UNC79: variants seen among roughly 807,000 people sequenced by gnomAD.
UNC79 encodes unc-79 subunit of NALCN channel complex, also known as protein unc-79 homolog.
A neutral mutation model predicts 283.1 loss-of-function variants in UNC79; 37 were observed. The ratio of observed to expected loss-of-function variants is 0.13; its 90% CI spans 0.10 to 0.17. The LOEUF is 0.17. Ranked by LOEUF, UNC79 falls within the 10% of genes least tolerant of loss-of-function variation. The pLI is 1.00. For missense variants in UNC79, 2,272 were observed against 3,211.1 expected (o/e 0.71, Z 7.07); for synonymous variants, 1,107 against 1,200.2 (o/e 0.92, Z 1.61).
At chr14:93,593,570 A>G in intron 22 of UNC79, 110 bp from the exon 23 acceptor site, 1 of 1,307,806 alleles carries the variant, frequency 7.6e-7, no homozygotes, top group South Asian at 1.5e-5. Flanking sequence ...CACCAAAAGC[A>G]CCCCTACCCA....
chr14:93,419,753 A>G (rs1305848297), intron 1 of UNC79, among the ~76,000 whole-genome samples: 1 of 151,668 alleles, frequency 6.6e-6, no homozygotes, highest in African/African-American at 2.4e-5. Context: ...ACAAAAAATT[A>G]AAAGCAAGAA....
chr14:93,455,517 A>G (rs1201155443), intron 1 of UNC79, among the ~76,000 whole-genome samples: 2 of 151,762 alleles, frequency 1.3e-5, no homozygotes, highest in African/African-American at 4.8e-5. Flanking sequence ...GTAGGGGGCT[A>G]TTCTTGATTA....
intron 26 of UNC79, among the ~76,000 whole-genome samples, chr14:93,607,992 GT>G (rs767762471): frequency 3.5e-4 from 54 of 152,268 alleles, no homozygotes; most frequent in Non-Finnish European, 5.7e-4. Flanking sequence ...TTGAAGATAT[GT>G]TTTTTGGAAG....
chr14:93,523,992 C>G, exon 8 of UNC79: 1 of 1,614,084 alleles, frequency 6.2e-7, no homozygotes, highest in Non-Finnish European at 8.5e-7. Flanking sequence ...GAATCCCATC[C>G]ACTGCCAGCA....
At chr14:93,585,883 C>CT (rs1233052037) in intron 20 of UNC79, among the ~76,000 whole-genome samples, 44,323 of 138,158 alleles carry the variant, frequency 0.32, 7,655 homozygotes, top group Non-Finnish European at 0.38. Context: ...CTCTCTCTCT[C>CT]TTTTTTTTTT....
chr14:93,643,664 C>G, exon 34 of UNC79: 1 of 1,612,972 alleles, frequency 6.2e-7, no homozygotes, highest in Non-Finnish European at 8.5e-7. Flanking sequence ...CTGGCAGCCC[C>G]GCTGCTGCTG....
intron 1 of UNC79, among the ~76,000 whole-genome samples, chr14:93,337,650 G>A (rs1229855762): frequency 6.6e-6 from 1 of 152,166 alleles, no homozygotes; most frequent in African/African-American, 2.4e-5. Flanking sequence ...GGGATTGAAA[G>A]AGCTTTAACA....
intron 22 of UNC79, among the ~76,000 whole-genome samples, chr14:93,592,323 C>G (rs1323474447): frequency 6.6e-6 from 1 of 151,794 alleles, no homozygotes; most frequent in Admixed American, 6.6e-5. Context: ...TACAGGCGCC[C>G]ACCACCACGC....
At chr14:93,532,337 A>G (rs2060862138) in intron 10 of UNC79, among the ~76,000 whole-genome samples, 1 of 151,646 alleles carries the variant, frequency 6.6e-6, no homozygotes, top group African/African-American at 2.4e-5. Flanking sequence ...TGGGCATGGA[A>G]GCCCACACCA....
rs1269505909 is a variant in UNC79 at position 93,572,155 on chromosome 14, GC to G, written c.1946+73del. On this transcript the variant is annotated intron_variant, in intron 15 of 48. Coordinates refer to ENST00000555664, the Ensembl canonical transcript of UNC79. The stretch of plus-strand genomic sequence containing the variant: ...AACGTTTGGTGAGCATGTACTGTAT[GC>G]CGGTCACCCTACTAAGCGTTTTATA... 4.0e-6 allele frequency: 6 copies of G among 1,499,482 alleles called. No individual in the cohort carries two copies. The Admixed American group carries it at 9.6e-5, about 24-fold the overall frequency. The allele number at this position is 1,499,482 out of a possible 1,614,324, so 92.9% of individuals were successfully genotyped here. A position where few individuals can be genotyped will look rare whatever the true frequency, so the allele number is the denominator to read the frequency against.
intron 2 of UNC79, among the ~76,000 whole-genome samples, chr14:93,472,651 T>C (rs2057575790): frequency 6.6e-6 from 1 of 152,130 alleles, no homozygotes; most frequent in African/African-American, 2.4e-5. Flanking sequence ...CATTGTAACA[T>C]ATTTTGCACT....
intron 47 of UNC79, among the ~76,000 whole-genome samples, chr14:93,695,890 C>CA (rs535235954): frequency 0.02 from 801 of 39,374 alleles, 70 homozygotes; most frequent in African/African-American, 0.06. Flanking sequence ...GACTTTGTCT[C>CA]AAAAAAAAAA....
chr14:93,591,391 C>A (rs2064665089), intron 22 of UNC79, among the ~76,000 whole-genome samples: 1 of 152,202 alleles, frequency 6.6e-6, no homozygotes, highest in Admixed American at 6.5e-5. Flanking sequence ...CAAAACTTAA[C>A]CTCTAATAGC....
At chr14:93,582,095 G>A (rs2063862209) in intron 19 of UNC79, 108 bp from the exon 20 acceptor site, 1 of 1,558,778 alleles carries the variant, frequency 6.4e-7, no homozygotes, top group South Asian at 1.2e-5. Context: ...TCAGCAGCAT[G>A]GGACCCGAGA....
chr14:93,518,716 C>T (rs1377029715), intron 7 of UNC79, among the ~76,000 whole-genome samples: 1 of 151,734 alleles, frequency 6.6e-6, no homozygotes, highest in Non-Finnish European at 1.5e-5. Flanking sequence ...AGTTGCTTCC[C>T]AGAAATTCAT....
intron 1 of UNC79, among the ~76,000 whole-genome samples, chr14:93,440,850 T>C (rs779263379): frequency 3.9e-5 from 6 of 152,160 alleles, no homozygotes; most frequent in Non-Finnish European, 8.8e-5. Context: ...TCATAAGATT[T>C]AGTCAGTTTT....
At chr14:93,465,290 G>A (rs1320342299) in intron 1 of UNC79, among the ~76,000 whole-genome samples, 3 of 152,116 alleles carry the variant, frequency 2.0e-5, no homozygotes, top group East Asian at 3.9e-4. Context: ...AGACCTGAGT[G>A]ATAAGTGCTG....
At chr14:93,573,127 T>C (rs1595909097) in intron 16 of UNC79, among the ~76,000 whole-genome samples, 1 of 152,200 alleles carries the variant, frequency 6.6e-6, no homozygotes, top group Non-Finnish European at 1.5e-5. Flanking sequence ...TTCTGATAAA[T>C]CTTTGATATT....
chr14:93,512,412 T>C (rs938878110), intron 7 of UNC79, among the ~76,000 whole-genome samples: 1 of 152,146 alleles, frequency 6.6e-6, no homozygotes, highest in African/African-American at 2.4e-5. Context: ...GCTTCTCGAA[T>C]CTGTGGTTTT....
Sources: gnomAD v4.1 joint callset for allele counts (sites outside exome capture counted in the v4.1 genomes callset) on GRCh38, gnomAD v4.1.1 for gene constraint, MANE v1.5 for transcripts, NCBI Gene and HGNC (gene_info 2026-07-23, HGNC 2026-07-21) for gene names.